The following ADNP2 variants were observed in gnomAD, a reference collection of about 807,000 sequenced individuals.
The protein encoded by ADNP2 is ADNP homeobox 2.
ADNP2 carries 8 observed loss-of-function variants against 16.4 expected under a neutral mutation model. That is an observed-to-expected ratio of 0.49 (90% CI 0.29 to 0.88). The LOEUF (loss-of-function observed/expected upper bound fraction) is 0.88. Ranked by LOEUF, ADNP2 falls within the 40% of genes least tolerant of loss-of-function variation. The pLI is 0.09. For synonymous variants in ADNP2, 637 were observed against 545.8 expected (o/e 1.17, Z -2.33); for missense variants, 1,397 against 1,395.1 (o/e 1.00, Z -0.02).
chr18:80,135,519 T>C, intron 3 of ADNP2, 93 bp from the exon 4 acceptor site: 1 of 1,260,592 alleles, frequency 7.9e-7, no homozygotes, highest in Non-Finnish European at 1.1e-6. Context: ...CCTAGCACAT[T>C]AGAAGAAAAG....
rs779099751 is a variant in ADNP2 at position 80,135,802 on chromosome 18, C to G, written c.389C>G (p.Pro130Arg). ...VGRHFRMFHA[P>R]VRKVQNYTVN... ...AGGCACTTCAGAATGTTCCATGCACCTGTCCGGAAAGTCCAGAACTACACA... is the reference window on the plus strand; with the variant it reads ...AGGCACTTCAGAATGTTCCATGCACGTGTCCGGAAAGTCCAGAACTACACA... Residue 130 changes from proline to arginine, a missense_variant, in exon 4 of 4, where the codon CCT (proline) becomes CGT (arginine). Around this residue, in one of 3 missense-constraint regions of ADNP2, gnomAD observed 777 missense variants for 719.4 expected, o/e 1.08. Coordinates refer to ENST00000262198, the MANE Select transcript of ADNP2 (RefSeq NM_014913.4). The G allele has an allele frequency of 5.0e-6, 8 of 1,614,048 alleles. No individual in the cohort carries two copies. The East Asian group carries it at 1.8e-4, about 36-fold the overall frequency.
At position 80,137,684 on chromosome 18, in the gene ADNP2, T is replaced by C; in HGVS notation, c.2271T>C (p.Ser757=). The C allele has an allele frequency of 5.6e-6, 9 of 1,614,246 alleles. No homozygotes were observed. The highest frequency in any genetic ancestry group is 7.6e-6 in the Non-Finnish European group (9 of 1,180,032). ...VRCLSCKCLV[S]EEELIHHLLM... is the part of the protein sequence containing the mutation. ...GTCTGTCTTGTAAGTGCTTGGTCTC[T>C]GAGGAAGAGCTTATACACCACTTGC... Residue 757 remains serine, a synonymous_variant, in exon 4 of 4, where the codon TCT becomes TCC. Coordinates refer to ENST00000262198, the MANE Select transcript of ADNP2 (RefSeq NM_014913.4). The surrounding 1 kb of genome is among the most constrained non-coding windows in gnomAD (Gnocchi z 4.2).
chr18:80,123,076 A>G (rs1458748225), intron 2 of ADNP2, among the ~76,000 whole-genome samples: 7 of 151,442 alleles, frequency 4.6e-5, no homozygotes, highest in Non-Finnish European at 8.8e-5. Context: ...TAACCATGTG[A>G]TTTTTTTCCC....
Position 80,109,265 on chromosome 18 carries a change from C to T in ADNP2, c.-221C>T, listed in dbSNP as rs1193064252. The T allele has an allele frequency of 6.6e-6, 1 of 152,112 alleles. No individual in the cohort carries two copies. Among genetic ancestry groups the T allele is most frequent in the African/African-American group, 2.4e-5 (1 of 41,458 alleles). 9.4% of individuals were successfully genotyped at this position (152,112 alleles called of 1,614,324 possible). On this transcript the variant is annotated 5_prime_UTR_variant, in exon 1 of 4. Coordinates refer to ENST00000262198, the MANE Select transcript of ADNP2 (RefSeq NM_014913.4). ...GCCAACGTCACTTCCTGAGGCCAAT[C>T]GAGCGCCATTTTCTCTTTCTGGCTG...
At chr18:80,127,048 A>G (rs2052463778) in intron 2 of ADNP2, among the ~76,000 whole-genome samples, 1 of 152,266 alleles carries the variant, frequency 6.6e-6, no homozygotes, top group South Asian at 2.1e-4. Flanking sequence ...GAGAGACCAC[A>G]TTCACAAAAC....
Position 80,138,512 on chromosome 18 carries a change from C to T in ADNP2, c.3099C>T (p.Asp1033=), listed in dbSNP as rs368797702. 2.7e-5 allele frequency: 44 copies of T among 1,613,872 alleles called. No homozygotes were observed. In the African/African-American group the frequency reaches 4.1e-4, roughly 15 times the overall value. ...GAACAGAGGGACCTATTGTCAAGGA[C>T]GAGGCTCTTCAGATTTTAGCATTAG... ...ESRTEGPIVK[D]EALQILALDP... The change falls in exon 4 of 4, where the codon GAC becomes GAT. Residue 1033 remains aspartate (D), a synonymous_variant. Coordinates refer to ENST00000262198, the MANE Select transcript of ADNP2 (RefSeq NM_014913.4).
chr18:80,135,941 A>G lies in ADNP2; in HGVS notation c.528A>G (p.Val176=), dbSNP rs145262203. ...ACAGCATGAAGAAGCATGTGCTGGT[A>G]GCCCATTTTCACTACTTAATTAACT... The part of the protein sequence containing the change: ...LYYSMKKHVL[V]AHFHYLINSY... The change falls in exon 4 of 4, where the codon GTA becomes GTG. Residue 176 remains valine, a synonymous_variant. Transcript: ENST00000262198. The G allele has an allele frequency of 5.6e-6, 9 of 1,614,142 alleles. No individual in the cohort carries two copies. In the African/African-American group the frequency reaches 1.1e-4, roughly 19 times the overall value.
At chr18:80,118,718 C>T (rs555788124) in intron 2 of ADNP2, among the ~76,000 whole-genome samples, 5 of 152,318 alleles carry the variant, frequency 3.3e-5, no homozygotes, top group African/African-American at 1.2e-4. Context: ...GAACATTGCT[C>T]GTGAACTTTT....
intron 2 of ADNP2, among the ~76,000 whole-genome samples, chr18:80,123,982 G>A (rs1004994989): frequency 2.0e-5 from 3 of 152,080 alleles, no homozygotes; most frequent in Non-Finnish European, 4.4e-5. Context: ...TACCCACCTC[G>A]GTGTCCCAAA....
chr18:80,126,705 C>T (rs2052461231), intron 2 of ADNP2, among the ~76,000 whole-genome samples: 1 of 152,110 alleles, frequency 6.6e-6, no homozygotes, highest in Admixed American at 6.5e-5. Flanking sequence ...TGCTTAGAGT[C>T]TGGTGAGCTT....
intron 2 of ADNP2, among the ~76,000 whole-genome samples, chr18:80,121,032 GT>G (rs1240772086): frequency 6.6e-6 from 1 of 152,122 alleles, no homozygotes; most frequent in East Asian, 1.9e-4. Flanking sequence ...TAGTTATTCT[GT>G]TTACTTTTTC....
chr18:80,126,097 G>A (rs1211021280), intron 2 of ADNP2, among the ~76,000 whole-genome samples: 1 of 151,414 alleles, frequency 6.6e-6, no homozygotes, highest in Non-Finnish European at 1.5e-5. Flanking sequence ...CTCTTTTTCT[G>A]CTCTCTTTTG....
intron 2 of ADNP2, among the ~76,000 whole-genome samples, chr18:80,127,231 C>G (rs2052465023): frequency 6.6e-6 from 1 of 152,082 alleles, no homozygotes; most frequent in African/African-American, 2.4e-5. Flanking sequence ...GTGTCAGCAT[C>G]CACTGGGGTC....
At chr18:80,133,289 T>C (rs1438471250) in intron 3 of ADNP2, 97 bp downstream of exon 3, 1 of 969,090 alleles carries the variant, frequency 1.0e-6, no homozygotes, top group African/African-American at 1.6e-5. Context: ...GGGTTGCTGG[T>C]GAGTGAATGG....
chr18:80,131,594 C>CT (rs1409611462), intron 2 of ADNP2, among the ~76,000 whole-genome samples: 2 of 138,624 alleles, frequency 1.4e-5, no homozygotes, highest in Non-Finnish European at 3.1e-5. Flanking sequence ...TTTAATTATA[C>CT]TTTAAGTTCT....
At chr18:80,115,002 T>G (rs1325793930) in intron 1 of ADNP2, among the ~76,000 whole-genome samples, 1 of 152,178 alleles carries the variant, frequency 6.6e-6, no homozygotes, top group African/African-American at 2.4e-5. Flanking sequence ...GGAATTCTCA[T>G]GGCATTATTT....
At chr18:80,119,611 AAT>A (rs746788466) in intron 2 of ADNP2, among the ~76,000 whole-genome samples, 1 of 152,276 alleles carries the variant, frequency 6.6e-6, no homozygotes. Context: ...TAACACCTCC[AAT>A]AGGAGGCTGT....
chr18:80,133,251 T>C (rs1026194742), intron 3 of ADNP2, 59 bp downstream of exon 3: 3 of 1,378,732 alleles, frequency 2.2e-6, no homozygotes, highest in Non-Finnish European at 3.1e-6. Flanking sequence ...TGACTGTAAA[T>C]GTGGTCTAAA....
At chr18:80,117,830 G>A (rs142740717) in intron 2 of ADNP2, among the ~76,000 whole-genome samples, 180 bp downstream of exon 2, 139 of 152,284 alleles carry the variant, frequency 9.1e-4, no homozygotes, top group Middle Eastern at 3.4e-3. Flanking sequence ...AGCTGTTCAG[G>A]TTTTTAAGCT....
Sources: allele counts gnomAD v4.1 joint callset (sites outside exome capture counted in the v4.1 genomes callset), GRCh38; gene constraint gnomAD v4.1.1; regional missense constraint gnomAD v4.1.1; non-coding constraint Gnocchi (gnomAD v3.1); transcripts MANE v1.5; gene names NCBI Gene and HGNC (gene_info 2026-07-23, HGNC 2026-07-21).